The following LHFPL3 variants were observed in gnomAD, a reference collection of about 807,000 sequenced individuals.
The protein encoded by LHFPL3 is LHFPL tetraspan subfamily member 3, also known as LHFPL tetraspan subfamily member 3 protein.
In LHFPL3, 5 loss-of-function variants were observed where a neutral mutation model predicts 19.3. The observed-to-expected ratio is 0.26, with a 90% CI of 0.14 to 0.54. LHFPL3 has a LOEUF of 0.54. Among genes scored for constraint, LHFPL3 ranks in the 20% least tolerant of loss-of-function variants. The pLI, the probability that LHFPL3 is intolerant of heterozygous loss-of-function variation, is 0.94. For missense variants in LHFPL3, 249 were observed against 307.4 expected (o/e 0.81, Z 1.42); for synonymous variants, 133 against 126.2 (o/e 1.05, Z -0.36).
intron 2 of LHFPL3, among the ~76,000 whole-genome samples, chr7:104,862,566 G>C (rs563425624): frequency 5.9e-5 from 9 of 152,288 alleles, no homozygotes; most frequent in Admixed American, 2.6e-4. Context: ...GGCAAAGGAA[G>C]TCTTAATGCT....
intron 1 of LHFPL3, among the ~76,000 whole-genome samples, chr7:104,503,974 T>C (rs1217770645): frequency 2.0e-5 from 3 of 152,200 alleles, no homozygotes; most frequent in Non-Finnish European, 4.4e-5. Flanking sequence ...TTTTATTTGG[T>C]TGATATGGAA....
chr7:104,497,360 AAAGTT>A (rs1793503002), intron 1 of LHFPL3, among the ~76,000 whole-genome samples: 1 of 151,930 alleles, frequency 6.6e-6, no homozygotes, highest in African/African-American at 2.4e-5. Flanking sequence ...CTCCAAAAGT[AAAGTT>A]TTCTTTTGAA....
chr7:104,629,484 C>T (rs776983587), intron 1 of LHFPL3, among the ~76,000 whole-genome samples: 1 of 152,182 alleles, frequency 6.6e-6, no homozygotes, highest in Non-Finnish European at 1.5e-5. Flanking sequence ...GTAGCAGCAC[C>T]TTCTATCTTC....
intron 1 of LHFPL3, among the ~76,000 whole-genome samples, chr7:104,503,906 G>A (rs987459386): frequency 6.6e-6 from 1 of 152,080 alleles, no homozygotes; most frequent in African/African-American, 2.4e-5. Flanking sequence ...CATTTATTTA[G>A]CATTTATATA....
At chr7:104,593,485 T>C (rs6970758) in intron 1 of LHFPL3, among the ~76,000 whole-genome samples, 146,798 of 152,200 alleles carry the variant, frequency 0.96, 70,992 homozygotes, top group East Asian at 1. Flanking sequence ...GGAATAAGTG[T>C]TGTGTGGTGC....
chr7:104,675,774 C>A (rs899706561), intron 1 of LHFPL3, among the ~76,000 whole-genome samples: 2 of 152,228 alleles, frequency 1.3e-5, no homozygotes, highest in Admixed American at 6.5e-5. Flanking sequence ...ACCTGAGAAG[C>A]TAGAAAGACG....
chr7:104,767,399 C>T lies in LHFPL3; in HGVS notation c.682+30488C>T, dbSNP rs369188224. 3.9e-5 allele frequency among the ~76,000 whole-genome samples: 6 copies of T among 152,154 alleles called. No homozygotes were observed. The East Asian group carries it at 1.2e-3, about 29-fold the overall frequency. On this transcript the variant is annotated intron_variant, in intron 2 of 2. Coordinates refer to ENST00000424859, the MANE Select transcript of LHFPL3 (RefSeq NM_199000.3). ...GACCTAGAGAGAATATCTGAAAATTCAGGGAACAGCCAGAGGAATCACCCC... is the reference window on the plus strand; with the variant it reads ...GACCTAGAGAGAATATCTGAAAATTTAGGGAACAGCCAGAGGAATCACCCC...
chr7:104,603,080 TTCTTTCTTTCTTTC>T (rs1791006229), intron 1 of LHFPL3, among the ~76,000 whole-genome samples: 2 of 107,784 alleles, frequency 1.9e-5, no homozygotes, highest in African/African-American at 3.7e-5. Flanking sequence ...CTTTCTTTCT[TTCTTTCTTTCTTTC>T]TTTCTTTCTT....
chr7:104,428,164 G>A (rs1177930535), intron 1 of LHFPL3, among the ~76,000 whole-genome samples: 1 of 152,140 alleles, frequency 6.6e-6, no homozygotes, highest in Non-Finnish European at 1.5e-5. Context: ...CCTAAGTGCA[G>A]CCATTTTTGT....
Position 104,520,733 on chromosome 7 carries a change from G to A in LHFPL3, c.445+191509G>A, listed in dbSNP as rs555670379. On this transcript the variant is annotated intron_variant, in intron 1 of 2. Transcript: ENST00000424859. ...CTTCTAGATTTTCTAGTTTATTTGC[G>A]TAGAGGTGTTTGTAGTATTCTCTGA... is the stretch of plus-strand genomic sequence containing the variant. 2.9e-4 allele frequency among the ~76,000 whole-genome samples: 39 copies of A among 135,740 alleles called. 1 individual carries two copies. Among genetic ancestry groups the A allele is most frequent in the African/African-American group, 8.4e-4 (31 of 36,726 alleles). 89.1% of individuals were successfully genotyped at this position (135,740 alleles called of 152,430 possible). A position where few individuals can be genotyped will look rare whatever the true frequency, so the allele number is the denominator to read the frequency against.
At chr7:104,759,895 A>G (rs1452704418) in intron 2 of LHFPL3, 3 of 152,236 alleles carry the variant, frequency 2.0e-5, no homozygotes, top group Non-Finnish European at 4.4e-5. Context: ...AGACTTGCCA[A>G]GGTCACGCAG....
intron 2 of LHFPL3, among the ~76,000 whole-genome samples, chr7:104,878,848 GA>G (rs1386122446): frequency 6.6e-6 from 1 of 152,174 alleles, no homozygotes; most frequent in Non-Finnish European, 1.5e-5. Context: ...CAAATGATAA[GA>G]AAGTGAAACA....
At chr7:104,401,546 G>T (rs1791312149) in intron 1 of LHFPL3, among the ~76,000 whole-genome samples, 1 of 152,050 alleles carries the variant, frequency 6.6e-6, no homozygotes, top group Non-Finnish European at 1.5e-5. Context: ...AGATAACTTA[G>T]AATTTGAAAG....
intron 2 of LHFPL3, among the ~76,000 whole-genome samples, chr7:104,891,999 T>C (rs1792254073): frequency 6.6e-6 from 1 of 152,262 alleles, no homozygotes; most frequent in South Asian, 2.1e-4. Flanking sequence ...GTTATTATTT[T>C]CTATTGTTAT....
intron 2 of LHFPL3, among the ~76,000 whole-genome samples, chr7:104,748,319 G>A (rs200105927): frequency 0.076 from 11,407 of 150,040 alleles, 1,351 homozygotes; most frequent in East Asian, 0.61. Context: ...AGACCTGACC[G>A]TCCCCCAGCC....
intron 2 of LHFPL3, chr7:104,769,032 G>A (rs1794505890): frequency 6.6e-6 from 1 of 152,336 alleles, no homozygotes; most frequent in Middle Eastern, 3.4e-3. Context: ...ATTGGGGAAA[G>A]AAATAGAGAT....
chr7:104,468,770 T>A (rs1792845392), intron 1 of LHFPL3, among the ~76,000 whole-genome samples: 1 of 151,628 alleles, frequency 6.6e-6, no homozygotes, highest in African/African-American at 2.4e-5. Flanking sequence ...GCAATTCTCC[T>A]GCCTCAGCCT....
chr7:104,426,297 C>A (rs2116545450), intron 1 of LHFPL3, among the ~76,000 whole-genome samples: 1 of 152,118 alleles, frequency 6.6e-6, no homozygotes, highest in East Asian at 1.9e-4. Flanking sequence ...GCCCTTGTTG[C>A]CCAGGTTGGA....
At chr7:104,485,827 A>C (rs370401902) in intron 1 of LHFPL3, among the ~76,000 whole-genome samples, 5 of 151,820 alleles carry the variant, frequency 3.3e-5, no homozygotes, top group African/African-American at 1.2e-4. Context: ...CCCTGTGTCC[A>C]TGTGTTCTTG....
Sources: allele counts gnomAD v4.1 joint callset (sites outside exome capture counted in the v4.1 genomes callset), GRCh38; gene constraint gnomAD v4.1.1; transcripts MANE v1.5; gene names NCBI Gene and HGNC (gene_info 2026-07-23, HGNC 2026-07-21).